PMF1: variants seen among roughly 807,000 people sequenced by gnomAD.
The protein encoded by PMF1 is polyamine modulated factor 1, also known as polyamine-modulated factor 1.
PMF1 carries 21 observed loss-of-function variants against 26.7 expected under a neutral mutation model. That is an observed-to-expected ratio of 0.79 (90% CI 0.56 to 1.13). The LOEUF is 1.13. Ranked by LOEUF, PMF1 falls within the 50% of genes most tolerant of loss-of-function variation. The pLI is 0.00. For synonymous variants in PMF1, 105 were observed against 101.0 expected (o/e 1.04, Z -0.24); for missense variants, 266 against 254.9 (o/e 1.04, Z -0.30).
At chr1:156,216,399 A>T (rs1205726111) in intron 1 of PMF1, among the ~76,000 whole-genome samples, 2 of 152,184 alleles carry the variant, frequency 1.3e-5, no homozygotes, top group Non-Finnish European at 2.9e-5. Flanking sequence ...TCAAAAAAAT[A>T]AATAAAATAA....
At chr1:156,236,936 A>G (rs567083541) in intron 4 of PMF1, 18 of 166,738 alleles carry the variant, frequency 1.1e-4, no homozygotes, top group African/African-American at 4.0e-4. Context: ...TTGATACATC[A>G]TATTTTACAT....
chr1:156,238,997 C>G lies in PMF1; in HGVS notation c.565-551C>G, dbSNP rs553561906. ...AAGGCGCTGCTCCACTATCGCCACT[C>G]AGTCACCATGAGGCCATGGGTCACT... On this transcript the variant is annotated intron_variant, in intron 4 of 4. Coordinates refer to ENST00000368277, the MANE Select transcript of PMF1 (RefSeq NM_007221.4). Among the ~76,000 whole-genome samples the G allele has an allele frequency of 1.1e-4, 17 of 152,280 alleles. 1 individual carries two copies. The South Asian group carries it at 3.5e-3, about 32-fold the overall frequency.
chr1:156,231,216 CAAAAAAAAAAA>C (rs71080753), intron 1 of PMF1, among the ~76,000 whole-genome samples: 1 of 48,412 alleles, frequency 2.1e-5, no homozygotes, highest in Admixed American at 3.1e-4. Context: ...GACTCCATCT[CAAAAAAAAAAA>C]AAAAAAAAAA....
At chr1:156,223,588 AC>A (rs933822558) in intron 1 of PMF1, 49 of 152,276 alleles carry the variant, frequency 3.2e-4, no homozygotes, top group Middle Eastern at 3.4e-3. Context: ...TATGTAGAGT[AC>A]ATAGAACAGG....
intron 1 of PMF1, among the ~76,000 whole-genome samples, chr1:156,229,470 CCAGA>C (rs1236480590): frequency 2.0e-5 from 3 of 151,632 alleles, no homozygotes; most frequent in African/African-American, 4.8e-5. Context: ...AGTATTTCCA[CCAGA>C]CAGAGACAAT....
At chr1:156,217,168 G>GCACATGTATA (rs1394407192) in intron 1 of PMF1, among the ~76,000 whole-genome samples, 4 of 148,952 alleles carry the variant, frequency 2.7e-5, no homozygotes, top group Non-Finnish European at 4.4e-5. Context: ...CACCAGCATG[G>GCACATGTATA]CACATGTATA....
At chr1:156,225,282 C>CTTTTTTT (rs58481427) in intron 1 of PMF1, among the ~76,000 whole-genome samples, 4 of 71,664 alleles carry the variant, frequency 5.6e-5, no homozygotes, top group Non-Finnish European at 1.0e-4. Flanking sequence ...CAGTCCTCAG[C>CTTTTTTT]TTTTTTTTTT....
At chr1:156,223,750 G>A (rs1445060481) in intron 1 of PMF1, 1 of 152,356 alleles carries the variant, frequency 6.6e-6, no homozygotes, top group Non-Finnish European at 1.5e-5. Context: ...CTCCTGTCCT[G>A]TGGCCAGCTC....
chr1:156,236,585 G>T (rs1001098690), intron 4 of PMF1, 102 bp downstream of exon 4: 13 of 1,433,508 alleles, frequency 9.1e-6, no homozygotes, highest in Middle Eastern at 1.8e-4. Flanking sequence ...ACCCCCACAG[G>T]GGGTAGGAGA....
chr1:156,226,860 G>T (rs1215677252), intron 1 of PMF1, among the ~76,000 whole-genome samples: 2 of 152,214 alleles, frequency 1.3e-5, no homozygotes, highest in Non-Finnish European at 2.9e-5. Context: ...GCATTGGGTA[G>T]CTGGGTGACC....
chr1:156,222,218 T>C (rs1414566154), intron 1 of PMF1, among the ~76,000 whole-genome samples: 1 of 152,072 alleles, frequency 6.6e-6, no homozygotes, highest in Non-Finnish European at 1.5e-5. Context: ...GCACGGAAGC[T>C]CTTCTGCACC....
intron 1 of PMF1, among the ~76,000 whole-genome samples, chr1:156,217,116 GAGAT>G (rs1657799876): frequency 6.6e-6 from 1 of 151,176 alleles, no homozygotes; most frequent in Non-Finnish European, 1.5e-5. Flanking sequence ...ATAGCATTGG[GAGAT>G]ATACCTAAGG....
chr1:156,233,835 C>A, intron 3 of PMF1, 107 bp downstream of exon 3: 2 of 1,085,710 alleles, frequency 1.8e-6, no homozygotes, highest in Non-Finnish European at 2.6e-6. Flanking sequence ...AGGCTGGTCA[C>A]AAACTCCTGG....
intron 3 of PMF1, among the ~76,000 whole-genome samples, chr1:156,236,064 AGGGGGAGAG>A (rs1658989405): frequency 1.3e-5 from 2 of 152,158 alleles, no homozygotes; most frequent in African/African-American, 4.8e-5. Context: ...TGAAGTGAGA[AGGGGGAGAG>A]GTGGACCCCT....
At chr1:156,236,680 C>T in intron 4 of PMF1, 197 bp downstream of exon 4, 3 of 699,100 alleles carry the variant, frequency 4.3e-6, no homozygotes, top group Non-Finnish European at 6.9e-6. Flanking sequence ...CAGTCTCCCC[C>T]AGATCCTCCA....
At chr1:156,223,366 G>T (rs960229859) in intron 1 of PMF1, 1 of 152,116 alleles carries the variant, frequency 6.6e-6, no homozygotes, top group African/African-American at 2.4e-5. Flanking sequence ...AGCTCCTCCG[G>T]TCATGATACA....
chr1:156,225,589 G>T (rs1406227527), intron 1 of PMF1: 2 of 1,559,024 alleles, frequency 1.3e-6, no homozygotes, highest in South Asian at 2.4e-5. Context: ...GGAAGTGCTG[G>T]TCCCCGCCTG....
At chr1:156,236,738 C>T (rs530668910) in intron 4 of PMF1, 2 of 530,536 alleles carry the variant, frequency 3.8e-6, no homozygotes, top group South Asian at 6.0e-5. Context: ...AGGACCCAGG[C>T]CCAGAGAGGG....
At position 156,237,843 on chromosome 1, in the gene PMF1, G is replaced by A. The variant is rs369178685; in HGVS notation, c.564+1360G>A. On this transcript the variant is annotated intron_variant, in intron 4 of 4. Coordinates refer to ENST00000368277, the MANE Select transcript of PMF1 (RefSeq NM_007221.4). ...ATGATCTTGGTTCACTGCAACCTCC[G>A]CTTCCTGGGTTCAAGTGATTCTCCT... is the stretch of plus-strand genomic sequence containing the variant. 6.8e-4 allele frequency among the ~76,000 whole-genome samples: 103 copies of A among 152,208 alleles called. 1 individual carries two copies. The highest frequency in any genetic ancestry group is 8.7e-4 in the Non-Finnish European group (59 of 68,022).
Sources: allele counts gnomAD v4.1 joint callset (sites outside exome capture counted in the v4.1 genomes callset), GRCh38; gene constraint gnomAD v4.1.1; transcripts MANE v1.5; gene names NCBI Gene and HGNC (gene_info 2026-07-23, HGNC 2026-07-21).